The following CNTNAP2 variants were observed in gnomAD, a reference collection of about 807,000 sequenced individuals.
CNTNAP2 encodes the protein contactin-associated protein-like 2.
A neutral mutation model predicts 155.2 loss-of-function variants in CNTNAP2; 98 were observed. The observed-to-expected ratio is 0.63, with a 90% CI of 0.54 to 0.75. CNTNAP2 has a LOEUF of 0.75. Ranked by LOEUF, CNTNAP2 falls within the 30% of genes least tolerant of loss-of-function variation. The pLI is 0.00. For missense variants in CNTNAP2, 1,727 were observed against 1,688.1 expected, an observed-to-expected ratio of 1.02 and a Z score of -0.40; for synonymous variants, 651 against 631.2, an observed-to-expected ratio of 1.03 and a Z score of -0.47.
chr7:147,931,269 TA>T (rs139889614), intron 14 of CNTNAP2, among the ~76,000 whole-genome samples: 4,402 of 132,644 alleles, frequency 0.033, 215 homozygotes, highest in African/African-American at 0.11. Flanking sequence ...ATTGACAAAC[TA>T]AAAAAAAAAG....
chr7:147,851,127 T>G (rs1258948150), intron 13 of CNTNAP2, among the ~76,000 whole-genome samples: 2 of 152,182 alleles, frequency 1.3e-5, no homozygotes, highest in Non-Finnish European at 2.9e-5. Flanking sequence ...GAACAGACAC[T>G]TCTCAAAAGA....
intron 10 of CNTNAP2, among the ~76,000 whole-genome samples, chr7:147,481,114 A>G (rs1015641098): frequency 2.0e-5 from 3 of 152,170 alleles, no homozygotes; most frequent in African/African-American, 4.8e-5. Context: ...GTTTTACAAG[A>G]CCAAATATGG....
At chr7:147,779,857 A>G (rs928355623) in intron 13 of CNTNAP2, among the ~76,000 whole-genome samples, 2 of 152,214 alleles carry the variant, frequency 1.3e-5, no homozygotes, top group Admixed American at 6.5e-5. Flanking sequence ...GTGAGCAGAA[A>G]AGCATCACAC....
At chr7:146,600,770 A>G (rs1298837347) in intron 1 of CNTNAP2, among the ~76,000 whole-genome samples, 1 of 152,142 alleles carries the variant, frequency 6.6e-6, no homozygotes, top group Non-Finnish European at 1.5e-5. Context: ...TTATTCATCT[A>G]TGCATTTCCA....
chr7:146,218,223 C>A (rs1484929587), intron 1 of CNTNAP2, among the ~76,000 whole-genome samples: 1 of 152,078 alleles, frequency 6.6e-6, no homozygotes, highest in Non-Finnish European at 1.5e-5. Context: ...TAAAACATTG[C>A]CATCGGCCGG....
chr7:147,883,575 A>G (rs542246942), intron 13 of CNTNAP2, among the ~76,000 whole-genome samples: 1 of 152,328 alleles, frequency 6.6e-6, no homozygotes. Flanking sequence ...CCTTTTACAT[A>G]GAAAAATTGC....
chr7:147,507,707 C>G (rs1798934414), intron 11 of CNTNAP2, among the ~76,000 whole-genome samples: 1 of 151,806 alleles, frequency 6.6e-6, no homozygotes, highest in Non-Finnish European at 1.5e-5. Context: ...TGTCTGCCAC[C>G]ACGCGCGGCT....
chr7:147,658,981 A>C (rs1795572862), intron 13 of CNTNAP2, among the ~76,000 whole-genome samples: 1 of 152,158 alleles, frequency 6.6e-6, no homozygotes, highest in African/African-American at 2.4e-5. Context: ...CTCTTCAGGG[A>C]GGCCCCCCTC....
chr7:148,362,463 T>C (rs1340117163), intron 21 of CNTNAP2, among the ~76,000 whole-genome samples: 1 of 152,192 alleles, frequency 6.6e-6, no homozygotes, highest in Non-Finnish European at 1.5e-5. Flanking sequence ...ACTCAACCTG[T>C]AATAGGATCC....
At chr7:148,330,149 G>C (rs62470602) in intron 21 of CNTNAP2, among the ~76,000 whole-genome samples, 2 of 119,690 alleles carry the variant, frequency 1.7e-5, no homozygotes, top group African/African-American at 6.2e-5. Flanking sequence ...ATGGATGGAT[G>C]GAGTGGATGG....
intron 1 of CNTNAP2, among the ~76,000 whole-genome samples, chr7:146,168,392 T>C (rs567525299): frequency 6.6e-6 from 1 of 152,240 alleles, no homozygotes; most frequent in South Asian, 2.1e-4. Context: ...AAGGAAAATT[T>C]TATATCATAT....
At chr7:147,246,332 T>C (rs1804067860) in intron 8 of CNTNAP2, among the ~76,000 whole-genome samples, 1 of 151,996 alleles carries the variant, frequency 6.6e-6, no homozygotes, top group Admixed American at 6.6e-5. Context: ...TTGGATGAAC[T>C]CTCCTCCCTC....
chr7:146,941,135 T>G (rs1390934064), intron 3 of CNTNAP2, among the ~76,000 whole-genome samples: 20 of 152,168 alleles, frequency 1.3e-4, no homozygotes, highest in Non-Finnish European at 2.8e-4. Context: ...AGGTAATAAC[T>G]TACTACACTA....
intron 1 of CNTNAP2, among the ~76,000 whole-genome samples, chr7:146,544,225 T>A (rs935527021): frequency 6.6e-6 from 1 of 151,964 alleles, no homozygotes; most frequent in Non-Finnish European, 1.5e-5. Context: ...AATATGTTCT[T>A]TAGTTTATTA....
Position 146,380,784 on chromosome 7 carries a change from C to CTTTTTTTTTTTTT in CNTNAP2, c.97+263832_97+263844dup, listed in dbSNP as rs56886106. Among the ~76,000 whole-genome samples the CTTTTTTTTTTTTT allele has an allele frequency of 1.0e-4, 4 of 38,810 alleles. 1 individual carries two copies. The highest frequency in any genetic ancestry group is 3.1e-4 in the African/African-American group (4 of 12,764). The allele number at this position is 38,810 out of a possible 152,430, so 25.5% of individuals were successfully genotyped here. On this transcript the variant is annotated intron_variant, in intron 1 of 23. Coordinates refer to ENST00000361727, the MANE Select transcript of CNTNAP2 (RefSeq NM_014141.6). ...ATATTTCTTGCTTCTTATGCACGTT[C>CTTTTTTTTTTTTT]TTTTTTTTTTTTTTTTTTTTTTTTT... is the stretch of plus-strand genomic sequence containing the variant.
At chr7:146,823,738 A>T (rs1278493164) in intron 2 of CNTNAP2, among the ~76,000 whole-genome samples, 3 of 151,950 alleles carry the variant, frequency 2.0e-5, no homozygotes, top group Non-Finnish European at 4.4e-5. Context: ...TTGAGTCAGT[A>T]TTATATCTTC....
intron 1 of CNTNAP2, among the ~76,000 whole-genome samples, chr7:146,760,128 A>G (rs1361289326): frequency 2.0e-5 from 3 of 152,182 alleles, no homozygotes; most frequent in Non-Finnish European, 4.4e-5. Flanking sequence ...TGAAGATACA[A>G]TCTTGGCATA....
At chr7:146,493,924 C>A (rs761858786) in intron 1 of CNTNAP2, among the ~76,000 whole-genome samples, 1 of 152,044 alleles carries the variant, frequency 6.6e-6, no homozygotes, top group Non-Finnish European at 1.5e-5. Flanking sequence ...GTACAGTGTA[C>A]CCTGCTTGAG....
chr7:148,043,091 C>T (rs763897134), intron 15 of CNTNAP2, among the ~76,000 whole-genome samples: 1 of 152,220 alleles, frequency 6.6e-6, no homozygotes, highest in East Asian at 1.9e-4. Flanking sequence ...GACACTACAT[C>T]TCTGACATTT....
Sources: gnomAD v4.1 joint callset for allele counts (sites outside exome capture counted in the v4.1 genomes callset) on GRCh38, gnomAD v4.1.1 for gene constraint, MANE v1.5 for transcripts, NCBI Gene and HGNC (gene_info 2026-07-23, HGNC 2026-07-21) for gene names.